Variants in LCLAT1 observed in about 807,000 individuals in gnomAD.
The protein encoded by LCLAT1 is 1-AGP acyltransferase 8.
Under a neutral mutation model 30.7 loss-of-function variants are expected in LCLAT1, and 11 were observed. The observed-to-expected ratio is 0.36, with a 90% CI of 0.23 to 0.59. LCLAT1 has a LOEUF of 0.59. LCLAT1 is among the 20% of genes least tolerant of loss of function. The probability of loss-of-function intolerance (pLI) is 0.77; values close to 1 mark genes in which losing one functional copy is unlikely to be tolerated. For synonymous variants in LCLAT1, 155 were observed against 151.3 expected (o/e 1.02, Z -0.18); for missense variants, 402 against 458.6 (o/e 0.88, Z 1.13).
intron 1 of LCLAT1, among the ~76,000 whole-genome samples, chr2:30,518,552 G>T (rs1015573348): frequency 2.0e-5 from 3 of 152,164 alleles, no homozygotes; most frequent in African/African-American, 7.2e-5. Context: ...AAAGCCCAAG[G>T]CCATGCAATA....
chr2:30,502,702 C>A (rs1684457687), intron 1 of LCLAT1, among the ~76,000 whole-genome samples: 1 of 118,848 alleles, frequency 8.4e-6, no homozygotes, highest in Non-Finnish European at 2.0e-5. Context: ...GTGTCAGTAC[C>A]TCATCTCTCT....
intron 5 of LCLAT1, among the ~76,000 whole-genome samples, chr2:30,598,669 C>G (rs1667040663): frequency 6.6e-6 from 1 of 151,990 alleles, no homozygotes; most frequent in African/African-American, 2.4e-5. Context: ...CTGCTCTGAT[C>G]TTGGCTATTT....
At chr2:30,621,505 G>A (rs1332933226) in intron 5 of LCLAT1, among the ~76,000 whole-genome samples, 2 of 152,142 alleles carry the variant, frequency 1.3e-5, no homozygotes, top group Non-Finnish European at 2.9e-5. Flanking sequence ...CACATCGTGG[G>A]CTTTTGATCC....
intron 1 of LCLAT1, among the ~76,000 whole-genome samples, chr2:30,508,810 A>G (rs1176242772): frequency 2.6e-5 from 4 of 152,104 alleles, no homozygotes; most frequent in Admixed American, 2.0e-4. Context: ...GAAGAATGTC[A>G]TTGGTTGTTT....
At chr2:30,603,394 A>G (rs1333079614) in intron 5 of LCLAT1, among the ~76,000 whole-genome samples, 1 of 152,138 alleles carries the variant, frequency 6.6e-6, no homozygotes, top group African/African-American at 2.4e-5. Context: ...GCTTCCAAAG[A>G]GATCAAAACT....
chr2:30,531,289 AT>A (rs1408588855), intron 2 of LCLAT1, among the ~76,000 whole-genome samples: 1 of 151,686 alleles, frequency 6.6e-6, no homozygotes, highest in East Asian at 1.9e-4. Flanking sequence ...AAAAAGGGAC[AT>A]TTTTTGCTGT....
intron 5 of LCLAT1, among the ~76,000 whole-genome samples, chr2:30,628,766 A>G (rs935087536): frequency 6.6e-6 from 1 of 152,210 alleles, no homozygotes; most frequent in Non-Finnish European, 1.5e-5. Context: ...TTTGAAAGAA[A>G]GTAAAGCTGG....
At chr2:30,621,887 G>A (rs1196943877) in intron 5 of LCLAT1, among the ~76,000 whole-genome samples, 1 of 152,196 alleles carries the variant, frequency 6.6e-6, no homozygotes, top group Non-Finnish European at 1.5e-5. Context: ...TTGATGGAAT[G>A]TGAAGTTTCC....
chr2:30,635,776 T>C (rs767040137), intron 5 of LCLAT1, among the ~76,000 whole-genome samples: 4 of 152,182 alleles, frequency 2.6e-5, no homozygotes, highest in Non-Finnish European at 5.9e-5. Context: ...TCCAAAGAGC[T>C]CACTGTACAT....
chr2:30,527,407 T>C (rs1685770516), intron 2 of LCLAT1, among the ~76,000 whole-genome samples: 1 of 152,256 alleles, frequency 6.6e-6, no homozygotes, highest in Admixed American at 6.5e-5. Flanking sequence ...ATCAGTTTTC[T>C]ATAGTATATA....
chr2:30,635,879 T>C (rs1270860092), intron 5 of LCLAT1, among the ~76,000 whole-genome samples: 2 of 152,228 alleles, frequency 1.3e-5, no homozygotes, highest in African/African-American at 2.4e-5. Flanking sequence ...TATACAAATA[T>C]TGGTCAACTA....
intron 5 of LCLAT1, among the ~76,000 whole-genome samples, chr2:30,597,366 G>C (rs1193765355): frequency 1.3e-5 from 2 of 151,970 alleles, no homozygotes; most frequent in Admixed American, 6.6e-5. Flanking sequence ...TACTTCCCTC[G>C]CTAGCTGTAT....
At chr2:30,598,753 A>T (rs10167460) in intron 5 of LCLAT1, among the ~76,000 whole-genome samples, 2 of 151,852 alleles carry the variant, frequency 1.3e-5, no homozygotes, top group East Asian at 3.9e-4. Flanking sequence ...TTAGGATGTC[A>T]ATTTGAGATC....
chr2:30,629,216 T>C (rs1227664315), intron 5 of LCLAT1, among the ~76,000 whole-genome samples: 1 of 152,184 alleles, frequency 6.6e-6, no homozygotes. Flanking sequence ...TAAATTATAT[T>C]ACCACAGTGT....
intron 5 of LCLAT1, among the ~76,000 whole-genome samples, chr2:30,604,901 A>G (rs1173965147): frequency 1.3e-5 from 2 of 152,216 alleles, no homozygotes; most frequent in Non-Finnish European, 2.9e-5. Flanking sequence ...CATTTCTACA[A>G]ATTAGAGCTG....
At chr2:30,476,617 C>T (rs1057191148) in intron 1 of LCLAT1, 12 of 432,784 alleles carry the variant, frequency 2.8e-5, no homozygotes, top group South Asian at 4.9e-5. Context: ...TCAGAACGCT[C>T]GCCGATTCTA....
At chr2:30,535,974 A>G (rs923065719) in intron 3 of LCLAT1, among the ~76,000 whole-genome samples, 5 of 152,134 alleles carry the variant, frequency 3.3e-5, no homozygotes, top group Non-Finnish European at 7.4e-5. Context: ...TATCATAAAA[A>G]AGAATCAAAT....
intron 1 of LCLAT1, among the ~76,000 whole-genome samples, chr2:30,520,159 G>A (rs896868353): frequency 5.3e-5 from 8 of 152,126 alleles, no homozygotes; most frequent in Non-Finnish European, 1.0e-4. Context: ...CTTGGAATCC[G>A]TGAGGCCAAG....
intron 5 of LCLAT1, among the ~76,000 whole-genome samples, chr2:30,575,986 T>C (rs1223667988): frequency 1.3e-5 from 2 of 152,144 alleles, no homozygotes; most frequent in Non-Finnish European, 2.9e-5. Context: ...ACTGCGTGTC[T>C]TATGGCACCA....
Sources: allele counts gnomAD v4.1 joint callset (sites outside exome capture counted in the v4.1 genomes callset), GRCh38; gene constraint gnomAD v4.1.1; transcripts MANE v1.5; gene names NCBI Gene and HGNC (gene_info 2026-07-23, HGNC 2026-07-21).